PCDH15: variants seen among roughly 807,000 people sequenced by gnomAD.
PCDH15 encodes protocadherin related 15.
In PCDH15, 129 loss-of-function variants were observed where a neutral mutation model predicts 178.5. The observed-to-expected ratio is 0.72, with a 90% confidence interval of 0.63 to 0.84. The LOEUF (loss-of-function observed/expected upper bound fraction) is 0.84, where lower values mean the gene tolerates loss of function less well. Among genes scored for constraint, PCDH15 ranks in the 40% least tolerant of loss-of-function variants. PCDH15 has a pLI of 0.00. For missense variants in PCDH15, 2,230 were observed against 2,099.9 expected, an observed-to-expected ratio of 1.06 and a Z score of -1.21; for synonymous variants, 800 against 732.0, an observed-to-expected ratio of 1.09 and a Z score of -1.50.
chr10:54,477,710 C>T (rs1589618140), intron 3 of PCDH15, among the ~76,000 whole-genome samples: 1 of 152,300 alleles, frequency 6.6e-6, no homozygotes, highest in Admixed American at 6.5e-5. Flanking sequence ...ATTCTCACGC[C>T]TGAGCCTCCC....
chr10:55,367,172 C>G (rs1845383119), intron 2 of PCDH15, among the ~76,000 whole-genome samples: 2 of 151,916 alleles, frequency 1.3e-5, no homozygotes, highest in Non-Finnish European at 2.9e-5. Flanking sequence ...CTTTTATAGT[C>G]TTACCTTTAA....
chr10:54,872,094 T>C (rs1954050145), intron 3 of PCDH15, among the ~76,000 whole-genome samples: 1 of 152,086 alleles, frequency 6.6e-6, no homozygotes, highest in Admixed American at 6.6e-5. Context: ...AAAGTGTCTT[T>C]AAGTCCTTTA....
At chr10:55,461,640 A>T (rs1203707824) in intron 2 of PCDH15, among the ~76,000 whole-genome samples, 1 of 152,096 alleles carries the variant, frequency 6.6e-6, no homozygotes, top group Non-Finnish European at 1.5e-5. Context: ...AATATCCCAG[A>T]TATAAGGTCA....
At chr10:54,070,506 C>G (rs2094219678) in intron 17 of PCDH15, among the ~76,000 whole-genome samples, 2 of 152,112 alleles carry the variant, frequency 1.3e-5, no homozygotes, top group Admixed American at 6.6e-5. Context: ...ACCCAGCTTA[C>G]TGTTGTAATT....
At chr10:53,891,964 A>G (rs1470006174) in intron 26 of PCDH15, among the ~76,000 whole-genome samples, 1 of 151,020 alleles carries the variant, frequency 6.6e-6, no homozygotes, top group Non-Finnish European at 1.5e-5. Context: ...GCAACACTCC[A>G]TATCAAAACA....
chr10:54,377,726 T>G (rs73249913), intron 4 of PCDH15, among the ~76,000 whole-genome samples: 1 of 152,140 alleles, frequency 6.6e-6, no homozygotes, highest in Non-Finnish European at 1.5e-5. Flanking sequence ...TGGGTAAGCA[T>G]GTTTAGAGTT....
chr10:55,302,482 G>C (rs1843311157), intron 1 of PCDH15, among the ~76,000 whole-genome samples: 1 of 152,064 alleles, frequency 6.6e-6, no homozygotes, highest in Admixed American at 6.6e-5. Flanking sequence ...AGGGTAAGTT[G>C]GCAGGCTGAC....
intron 8 of PCDH15, among the ~76,000 whole-genome samples, chr10:54,301,457 C>T (rs2060145146): frequency 6.6e-6 from 1 of 152,076 alleles, no homozygotes. Flanking sequence ...AAAACAAACT[C>T]TCAGGTAAAT....
chr10:53,901,320 G>A (rs1489839897), intron 26 of PCDH15, among the ~76,000 whole-genome samples: 1 of 152,074 alleles, frequency 6.6e-6, no homozygotes, highest in East Asian at 1.9e-4. Flanking sequence ...ATAGGCAGTG[G>A]AGGAGGTATG....
At chr10:54,813,683 A>G (rs1032603095) in intron 3 of PCDH15, among the ~76,000 whole-genome samples, 1 of 152,204 alleles carries the variant, frequency 6.6e-6, no homozygotes, top group Non-Finnish European at 1.5e-5. Context: ...TCAAGACTAC[A>G]GCAATCGTCT....
intron 1 of PCDH15, among the ~76,000 whole-genome samples, chr10:55,290,727 T>C (rs190895676): frequency 6.6e-6 from 1 of 152,150 alleles, no homozygotes; most frequent in East Asian, 1.9e-4. Flanking sequence ...ATTTTTTAGG[T>C]GCCAATACCT....
Position 54,673,400 on chromosome 10 carries a change from G to T in PCDH15, c.-28-9110C>A, listed in dbSNP as rs12416130. 4.5e-3 allele frequency among the ~76,000 whole-genome samples: 686 copies of T among 152,168 alleles called. 23 individuals carry two copies. The highest frequency in any genetic ancestry group is 0.038 in the Admixed American group (582 of 15,262). On this transcript the variant is annotated intron_variant, in intron 1 of 37. Coordinates refer to ENST00000644397, the MANE Select transcript of PCDH15 (RefSeq NM_001384140.1). ...TCATCCAAGCATGTCATTTTTATTA[G>T]ATATAGTTGGTAATAGAAGGAAACA...
At position 54,081,155 on chromosome 10, in the gene PCDH15, C is replaced by T. The variant is rs140878388; in HGVS notation, c.1998-1731G>A. Among the ~76,000 whole-genome samples, 1,252 of 152,064 alleles carry T rather than the reference C, an allele frequency of 8.2e-3. 14 individuals are homozygous for T. Among genetic ancestry groups the T allele is most frequent in the African/African-American group, 0.029 (1,185 of 41,500 alleles). ...CAGGAAACAAAACATAACAAAACTT[C>T]GCTTAATTCATTCCAGGAAGAAAAA... is the stretch of plus-strand genomic sequence containing the variant. On this transcript the variant is annotated intron_variant, in intron 16 of 37. Coordinates refer to ENST00000644397, the MANE Select transcript of PCDH15 (RefSeq NM_001384140.1).
chr10:54,391,169 A>G (rs1406337049), intron 3 of PCDH15, among the ~76,000 whole-genome samples: 3 of 152,208 alleles, frequency 2.0e-5, no homozygotes, highest in Non-Finnish European at 4.4e-5. Context: ...AATTACAACT[A>G]TTGCTACAGT....
At chr10:53,861,072 ATT>A (rs974005769) in intron 27 of PCDH15, among the ~76,000 whole-genome samples, 1 of 152,162 alleles carries the variant, frequency 6.6e-6, no homozygotes, top group African/African-American at 2.4e-5. Flanking sequence ...GAAATAAGAT[ATT>A]ACAGTTTACA....
chr10:55,076,029 T>C (rs953147091), intron 2 of PCDH15, among the ~76,000 whole-genome samples: 2 of 152,214 alleles, frequency 1.3e-5, no homozygotes, highest in African/African-American at 2.4e-5. Context: ...TTTGTTTCTA[T>C]GTATTTATAC....
intron 2 of PCDH15, among the ~76,000 whole-genome samples, chr10:54,594,313 T>G (rs1356116893): frequency 6.6e-6 from 1 of 152,102 alleles, no homozygotes; most frequent in Non-Finnish European, 1.5e-5. Flanking sequence ...CCCCTAGGCT[T>G]GATTTGCTCC....
chr10:54,539,625 T>A (rs1246479841), intron 2 of PCDH15, among the ~76,000 whole-genome samples: 1 of 152,130 alleles, frequency 6.6e-6, no homozygotes, highest in Non-Finnish European at 1.5e-5. Context: ...CTTGACAAAT[T>A]GAGCATAATT....
intron 3 of PCDH15, among the ~76,000 whole-genome samples, chr10:54,466,680 A>T (rs1467843518): frequency 1.3e-5 from 2 of 150,818 alleles, no homozygotes; most frequent in Non-Finnish European, 3.0e-5. Flanking sequence ...GGTTCTACAT[A>T]AATATTTTTC....
Sources: gnomAD v4.1 joint callset for allele counts (sites outside exome capture counted in the v4.1 genomes callset) on GRCh38, gnomAD v4.1.1 for gene constraint, MANE v1.5 for transcripts, NCBI Gene and HGNC (gene_info 2026-07-23, HGNC 2026-07-21) for gene names.